Variants in IQCJ observed in about 807,000 individuals in gnomAD.
The protein encoded by IQCJ is IQ domain-containing protein J.
IQCJ carries 9 observed loss-of-function variants against 11.0 expected under a neutral mutation model. That is an observed-to-expected ratio of 0.82 (90% CI 0.49 to 1.43). The LOEUF is 1.43. Among genes scored for constraint, IQCJ ranks in the 40% most tolerant of loss-of-function variants. The probability of loss-of-function intolerance (pLI) is 0.00; values close to 1 mark genes in which losing one functional copy is unlikely to be tolerated. For missense variants in IQCJ, 146 were observed against 133.2 expected, an observed-to-expected ratio of 1.10 and a Z score of -0.47; for synonymous variants, 55 against 51.3, an observed-to-expected ratio of 1.07 and a Z score of -0.31.
intron 1 of IQCJ, among the ~76,000 whole-genome samples, chr3:159,105,538 T>C (rs1231689362): frequency 6.6e-6 from 1 of 151,926 alleles, no homozygotes; most frequent in African/African-American, 2.4e-5. Context: ...TAAGTAAAGG[T>C]AGAGTTGTGG....
At chr3:159,142,503 A>G (rs1191711633) in intron 1 of IQCJ, among the ~76,000 whole-genome samples, 1 of 151,072 alleles carries the variant, frequency 6.6e-6, no homozygotes, top group East Asian at 2.0e-4. Context: ...TGCAATGTCC[A>G]CCTCCCAGGT....
intron 1 of IQCJ, among the ~76,000 whole-genome samples, chr3:159,172,963 A>G (rs751887799): frequency 1.3e-5 from 2 of 152,182 alleles, no homozygotes. Context: ...GCGTAAGACA[A>G]TATATAACAG....
intron 1 of IQCJ, among the ~76,000 whole-genome samples, chr3:159,208,045 C>A (rs4680498): frequency 0.15 from 22,783 of 151,958 alleles, 1,975 homozygotes; most frequent in Admixed American, 0.21. Flanking sequence ...TGTGCATTTG[C>A]CGGTATGGGA....
chr3:159,140,628 T>C (rs1404164350), intron 1 of IQCJ, among the ~76,000 whole-genome samples: 7 of 151,998 alleles, frequency 4.6e-5, no homozygotes, highest in African/African-American at 1.7e-4. Context: ...AAAATAGGGG[T>C]TCTGAGTGCA....
chr3:159,258,255 C>T (rs1306832435), intron 3 of IQCJ, among the ~76,000 whole-genome samples: 1 of 152,116 alleles, frequency 6.6e-6, no homozygotes, highest in Non-Finnish European at 1.5e-5. Flanking sequence ...AAAAAGAGGG[C>T]CTTTTTCTCA....
Position 159,102,459 on chromosome 3 carries a change from A to G in IQCJ, c.9+33018A>G, listed in dbSNP as rs759097034. 7.2e-5 allele frequency among the ~76,000 whole-genome samples: 11 copies of G among 152,298 alleles called. No individual in the cohort carries two copies. In the East Asian group the frequency reaches 1.7e-3, roughly 24 times the overall value. Reference sequence around the variant, plus strand: ...CTAATATCTGTAACAGGAAAGAGTAAGCATTAATTCATGAATTAGGCTTCT... The same window carrying G: ...CTAATATCTGTAACAGGAAAGAGTAGGCATTAATTCATGAATTAGGCTTCT... On this transcript the variant is annotated intron_variant, in intron 1 of 3. Coordinates refer to ENST00000397832, the MANE Select transcript of IQCJ (RefSeq NM_001042706.3).
chr3:159,167,088 C>A (rs1286637154), intron 1 of IQCJ, among the ~76,000 whole-genome samples: 1 of 152,132 alleles, frequency 6.6e-6, no homozygotes, highest in Admixed American at 6.6e-5. Flanking sequence ...GCCTTTGACC[C>A]CTACTTATTT....
At chr3:159,258,752 C>T (rs1728040739) in intron 3 of IQCJ, among the ~76,000 whole-genome samples, 1 of 152,144 alleles carries the variant, frequency 6.6e-6, no homozygotes, top group South Asian at 2.1e-4. Context: ...AGATTTCTGG[C>T]TGTTCTTGAA....
intron 1 of IQCJ, among the ~76,000 whole-genome samples, chr3:159,146,577 C>G (rs981326751): frequency 1.3e-5 from 2 of 152,132 alleles, no homozygotes; most frequent in Non-Finnish European, 2.9e-5. Flanking sequence ...ATGTCTCAAG[C>G]CTGGCCTTGA....
chr3:159,135,966 A>C (rs1211314926), intron 1 of IQCJ, among the ~76,000 whole-genome samples: 2 of 152,218 alleles, frequency 1.3e-5, no homozygotes, highest in East Asian at 3.9e-4. Context: ...TAATTCATTT[A>C]ATCCTTGTAC....
chr3:159,166,613 T>C (rs1393794204), intron 1 of IQCJ, among the ~76,000 whole-genome samples: 1 of 152,224 alleles, frequency 6.6e-6, no homozygotes, highest in African/African-American at 2.4e-5. Context: ...TTGGGGATAT[T>C]ACCCTTTCTA....
At chr3:159,193,852 G>A (rs936019474) in intron 1 of IQCJ, among the ~76,000 whole-genome samples, 18 of 152,146 alleles carry the variant, frequency 1.2e-4, no homozygotes, top group African/African-American at 3.9e-4. Flanking sequence ...ACCTCATGAT[G>A]TCTGGCTTAT....
chr3:159,178,012 C>T (rs568669587), intron 1 of IQCJ, among the ~76,000 whole-genome samples: 49 of 152,308 alleles, frequency 3.2e-4, no homozygotes, highest in African/African-American at 1.1e-3. Context: ...GAGACATATG[C>T]AGGCATATGA....
intron 1 of IQCJ, among the ~76,000 whole-genome samples, chr3:159,123,740 G>A (rs1719512486): frequency 6.6e-6 from 1 of 152,144 alleles, no homozygotes; most frequent in South Asian, 2.1e-4. Context: ...AAGAACCTAA[G>A]GAAACAATGC....
intron 1 of IQCJ, among the ~76,000 whole-genome samples, chr3:159,244,807 G>C (rs577000601): frequency 3.3e-5 from 5 of 152,164 alleles, no homozygotes; most frequent in Non-Finnish European, 7.4e-5. Context: ...GTAGAGGCTA[G>C]TCCTGATGGT....
intron 1 of IQCJ, among the ~76,000 whole-genome samples, chr3:159,212,736 G>C (rs1577084412): frequency 6.6e-6 from 1 of 152,296 alleles, no homozygotes; most frequent in South Asian, 2.1e-4. Context: ...ATGAATGAAT[G>C]CTGGCAATTC....
At position 159,240,467 on chromosome 3, in the gene IQCJ, G is replaced by A. The variant is rs557745828; in HGVS notation, c.10-5376G>A. The stretch of plus-strand genomic sequence containing the variant: ...CAGCCAAAGCAAAACAAATGACCTC[G>A]TTAAGACTTATGAGTTGTTATTATT... On this transcript the variant is annotated intron_variant, in intron 1 of 3. Transcript: ENST00000397832. Among the ~76,000 whole-genome samples the A allele has an allele frequency of 1.6e-3, 246 of 152,250 alleles. 1 individual carries two copies. Among genetic ancestry groups the A allele is most frequent in the African/African-American group, 5.1e-3 (211 of 41,546 alleles).
intron 1 of IQCJ, among the ~76,000 whole-genome samples, chr3:159,239,969 A>G (rs1216128232): frequency 1.3e-5 from 2 of 152,180 alleles, no homozygotes; most frequent in Non-Finnish European, 2.9e-5. Flanking sequence ...GAAATCTCCT[A>G]ATGACAAATT....
At chr3:159,103,421 T>C (rs1364337739) in intron 1 of IQCJ, among the ~76,000 whole-genome samples, 5 of 152,180 alleles carry the variant, frequency 3.3e-5, no homozygotes, top group Non-Finnish European at 7.3e-5. Flanking sequence ...TACTCCACTC[T>C]TGAGGTACTT....
Sources: gnomAD v4.1 joint callset for allele counts (sites outside exome capture counted in the v4.1 genomes callset) on GRCh38, gnomAD v4.1.1 for gene constraint, MANE v1.5 for transcripts, NCBI Gene and HGNC (gene_info 2026-07-23, HGNC 2026-07-21) for gene names.